Variants in TENM3 observed in about 807,000 individuals in gnomAD.
The protein encoded by TENM3 is teneurin-3.
Under a neutral mutation model 255.1 loss-of-function variants are expected in TENM3, and 63 were observed. That is an observed-to-expected ratio of 0.25 (90% CI 0.20 to 0.30). TENM3 has a LOEUF of 0.30. Among genes scored for constraint, TENM3 ranks in the 10% least tolerant of loss-of-function variants. The pLI is 1.00. For missense variants in TENM3, 2,929 were observed against 3,461.1 expected (o/e 0.85, Z 3.86); for synonymous variants, 1,306 against 1,322.3 (o/e 0.99, Z 0.27).
At chr4:182,087,284 C>T in the TENM3 span, among the ~76,000 whole-genome samples, 1 of 152,308 alleles carries the variant, frequency 6.6e-6, no homozygotes, top group East Asian at 1.9e-4. Context: ...TTCCTACAAG[C>T]TAAGTCTGTT....
chr4:181,640,261 C>A, the TENM3 span, among the ~76,000 whole-genome samples: 1 of 152,314 alleles, frequency 6.6e-6, no homozygotes. Context: ...TGTGCATCAA[C>A]AAGCTCTCCA....
chr4:181,464,574 T>C, the TENM3 span, among the ~76,000 whole-genome samples: 1 of 152,228 alleles, frequency 6.6e-6, no homozygotes, highest in Non-Finnish European at 1.5e-5. Flanking sequence ...ATATGATTTG[T>C]TAGTATTTCC....
At chr4:181,684,918 CTTTTTTTTTTTT>C in the TENM3 span, among the ~76,000 whole-genome samples, 2 of 45,046 alleles carry the variant, frequency 4.4e-5, no homozygotes, top group Admixed American at 6.4e-4. Flanking sequence ...CCGTGCCTGG[CTTTTTTTTTTTT>C]TTTTTTTTTT....
rs1214038143 is a variant in TENM3, at chr4:182,800,107, G to A, written c.7856G>A (p.Arg2619His). The change falls in exon 28 of 28, where the codon CGC becomes CAC. Residue 2619 changes from arginine to histidine, a missense_variant. Arg to His is a conservative substitution (Grantham distance 29). Transcript: ENST00000511685. The part of the protein sequence containing the change: ...YGMTLDEEKA[R>H]ILEQARQRAL... ...ATGACCCTGGACGAGGAGAAGGCGC[G>A]CATCCTGGAGCAGGCGCGGCAGCGC... The A allele has an allele frequency of 3.9e-6, 6 of 1,553,534 alleles. No homozygotes were observed. Among genetic ancestry groups the A allele is most frequent in the Non-Finnish European group, 3.5e-6 (4 of 1,154,824 alleles).
the TENM3 span, among the ~76,000 whole-genome samples, chr4:181,988,365 A>T: frequency 2.0e-5 from 3 of 152,042 alleles, no homozygotes; most frequent in Non-Finnish European, 4.4e-5. Context: ...ACTTTTGCAG[A>T]TCCTCCACTG....
the TENM3 span, among the ~76,000 whole-genome samples, chr4:182,116,967 T>A: frequency 6.6e-6 from 1 of 152,318 alleles, no homozygotes; most frequent in African/African-American, 2.4e-5. Flanking sequence ...TACCATCATG[T>A]TTTGGATTTT....
chr4:181,796,897 C>T, the TENM3 span, among the ~76,000 whole-genome samples: 3 of 152,132 alleles, frequency 2.0e-5, no homozygotes, highest in East Asian at 1.9e-4. Context: ...AAAATTCTTA[C>T]GTCATGTCAG....
the TENM3 span, among the ~76,000 whole-genome samples, chr4:182,135,749 G>A: frequency 2.6e-5 from 4 of 152,322 alleles, no homozygotes; most frequent in South Asian, 8.3e-4. Context: ...TTAACAGACA[G>A]AAATGTGACT....
the TENM3 span, among the ~76,000 whole-genome samples, chr4:181,561,618 T>G: frequency 6.6e-6 from 1 of 152,222 alleles, no homozygotes; most frequent in Non-Finnish European, 1.5e-5. Flanking sequence ...CTAGTTTCCT[T>G]GTTTTCTTTT....
chr4:182,512,856 A>G (rs1737563279), intron 3 of TENM3, among the ~76,000 whole-genome samples: 1 of 152,176 alleles, frequency 6.6e-6, no homozygotes, highest in South Asian at 2.1e-4. Context: ...ACAGAAACAC[A>G]GTAGTTTGTA....
At chr4:182,129,984 G>A in the TENM3 span, among the ~76,000 whole-genome samples, 1 of 152,204 alleles carries the variant, frequency 6.6e-6, no homozygotes, top group Non-Finnish European at 1.5e-5. Context: ...TGTTCTTACT[G>A]TAAAGTTTCT....
chr4:182,498,961 A>G (rs971347878), intron 3 of TENM3, among the ~76,000 whole-genome samples: 1 of 152,248 alleles, frequency 6.6e-6, no homozygotes, highest in African/African-American at 2.4e-5. Context: ...AAAGTTTGCC[A>G]TTAGGCAAGT....
At chr4:181,907,478 G>C in the TENM3 span, among the ~76,000 whole-genome samples, 2 of 152,146 alleles carry the variant, frequency 1.3e-5, no homozygotes. Context: ...ACCATACAAG[G>C]CTTGTCTGCA....
chr4:182,160,163 T>C (rs6552544), intron 1 of TENM3, among the ~76,000 whole-genome samples: 147,840 of 149,038 alleles, frequency 0.99, 73,353 homozygotes, highest in East Asian at 1. Context: ...CCACCACGCC[T>C]GGCTAATTTT....
the TENM3 span, among the ~76,000 whole-genome samples, chr4:181,792,499 A>G: frequency 6.6e-6 from 1 of 152,172 alleles, no homozygotes; most frequent in African/African-American, 2.4e-5. Context: ...AGGTCCTGTC[A>G]ACATAGATTG....
intron 1 of TENM3, among the ~76,000 whole-genome samples, chr4:182,172,655 A>G (rs1752185458): frequency 6.6e-6 from 1 of 152,326 alleles, no homozygotes; most frequent in Admixed American, 6.5e-5. Context: ...AACTATAATC[A>G]TAAAGTTACT....
At chr4:181,934,005 A>G in the TENM3 span, among the ~76,000 whole-genome samples, 1 of 151,938 alleles carries the variant, frequency 6.6e-6, no homozygotes, top group Non-Finnish European at 1.5e-5. Flanking sequence ...ATTTCTAGAA[A>G]CAGTTTGATT....
intron 11 of TENM3, among the ~76,000 whole-genome samples, chr4:182,686,322 A>T (rs1368103850): frequency 6.6e-6 from 1 of 152,098 alleles, no homozygotes; most frequent in East Asian, 1.9e-4. Flanking sequence ...GCTTCCAATC[A>T]CACTGAAAAT....
chr4:181,954,778 C>A, the TENM3 span, among the ~76,000 whole-genome samples: 1 of 152,176 alleles, frequency 6.6e-6, no homozygotes, highest in South Asian at 2.1e-4. Flanking sequence ...ATGCCTATCC[C>A]AAAGTCAAGA....
Sources: gnomAD v4.1 joint callset for allele counts (sites outside exome capture counted in the v4.1 genomes callset) on GRCh38, gnomAD v4.1.1 for gene constraint, MANE v1.5 for transcripts, NCBI Gene and HGNC (gene_info 2026-07-23, HGNC 2026-07-21) for gene names.